CXADR: variants seen among roughly 807,000 people sequenced by gnomAD.
CXADR encodes coxsackievirus and adenovirus receptor.
Under a neutral mutation model 40.3 loss-of-function variants are expected in CXADR, and 20 were observed. The observed-to-expected ratio is 0.50, with a 90% confidence interval of 0.35 to 0.72. CXADR has a LOEUF of 0.72. CXADR is among the 30% of genes least tolerant of loss of function. The probability of loss-of-function intolerance (pLI) is 0.01; values close to 1 mark genes in which losing one functional copy is unlikely to be tolerated. For missense variants in CXADR, 332 were observed against 449.1 expected (o/e 0.74, Z 2.36); for synonymous variants, 150 against 161.3 (o/e 0.93, Z 0.53).
chr21:17,611,014 T>A, the CXADR span, among the ~76,000 whole-genome samples: 1 of 152,052 alleles, frequency 6.6e-6, no homozygotes, highest in East Asian at 1.9e-4. Flanking sequence ...AACCCTAGAA[T>A]GAGAAATTCA....
In CXADR at chr21:17,528,075, T is replaced by C. The variant is rs999462640; in HGVS notation, c.43+14903T>C. ...CCTTATGCTTAGTTCTTTCTTTTTT[T>C]TTTTTTTTTTTTTTTTGAGACAGAG... is the stretch of plus-strand genomic sequence containing the variant. On this transcript the variant is annotated intron_variant, in intron 1 of 6. Coordinates refer to ENST00000284878, the MANE Select transcript of CXADR (RefSeq NM_001338.5). Among the ~76,000 whole-genome samples the C allele has an allele frequency of 1.6e-4, 22 of 137,370 alleles. 1 individual carries two copies. In the South Asian group the frequency reaches 3.7e-3, roughly 23 times the overall value. 90.1% of individuals were successfully genotyped at this position (137,370 alleles called of 152,430 possible).
At chr21:17,563,814 G>A (rs958384279) in intron 6 of CXADR, among the ~76,000 whole-genome samples, 455 of 150,724 alleles carry the variant, frequency 3.0e-3, no homozygotes, top group African/African-American at 6.2e-3. Flanking sequence ...AGTGGCGGGC[G>A]CCTGTAGTCC....
intron 7 of CXADR, among the ~76,000 whole-genome samples, chr21:17,576,602 C>T (rs1462802060): frequency 6.6e-6 from 1 of 152,082 alleles, no homozygotes; most frequent in Non-Finnish European, 1.5e-5. Flanking sequence ...TCTGTTACTT[C>T]GGTGTAATTG....
At position 17,564,543 on chromosome 21, in the gene CXADR, G is replaced by A. The variant is rs146430253; in HGVS notation, c.834-885G>A. Among the ~76,000 whole-genome samples, 3 of 152,170 alleles carry A rather than the reference G, an allele frequency of 2.0e-5. No homozygotes were observed. In the South Asian group the frequency reaches 6.2e-4, roughly 32 times the overall value. ...AAACAAAATTTTCTATACATGGTTT[G>A]TTGGCTTCACAGATGTGGAACCCGT... On this transcript the variant is annotated intron_variant, in intron 6 of 6. Transcript: ENST00000284878.
intron 3 of CXADR, among the ~76,000 whole-genome samples, chr21:17,555,470 A>G (rs1314230186): frequency 1.3e-5 from 2 of 152,232 alleles, no homozygotes; most frequent in East Asian, 3.8e-4. Flanking sequence ...TAATGTTAAC[A>G]TCTTACAAAA....
chr21:17,521,826 A>G (rs2060534216), intron 1 of CXADR, among the ~76,000 whole-genome samples: 1 of 152,290 alleles, frequency 6.6e-6, no homozygotes, highest in Middle Eastern at 3.4e-3. Flanking sequence ...AATCTTGTCC[A>G]CATCATCATT....
At position 17,569,462 on chromosome 21, in the gene CXADR, T is replaced by C; in HGVS notation, c.*3770T>C. 1 of 985,276 alleles carries C rather than the reference T, an allele frequency of 1.0e-6. No homozygotes were observed. The highest frequency in any genetic ancestry group is 1.2e-6 in the Non-Finnish European group (1 of 829,904). The allele number at this position is 985,276 out of a possible 1,614,324, so 61.0% of individuals were successfully genotyped here. On this transcript the variant is annotated 3_prime_UTR_variant, in exon 7 of 7. Transcript: ENST00000284878. Reference sequence around the variant, plus strand: ...TTAATATTTTGAATGCCTTTGGATATTCCAGCAATAAAGGCATCATGTTCT... The same window carrying C: ...TTAATATTTTGAATGCCTTTGGATACTCCAGCAATAAAGGCATCATGTTCT...
At position 17,568,274 on chromosome 21, in the gene CXADR, T is replaced by G. The variant is rs890420606; in HGVS notation, c.*2582T>G. ...CTCCCGAGCAGCTGGGACTACAGGC[T>G]CCCATCACCACGCTCGGCTAAGTTT... is the stretch of plus-strand genomic sequence containing the variant. On this transcript the variant is annotated 3_prime_UTR_variant, in exon 7 of 7. Coordinates refer to ENST00000284878, the MANE Select transcript of CXADR (RefSeq NM_001338.5). The G allele has an allele frequency of 1.6e-4, 127 of 794,632 alleles. No homozygotes were observed. The highest frequency in any genetic ancestry group is 7.6e-4 in the East Asian group (6 of 7,848). The allele number at this position is 794,632 out of a possible 1,614,324, so 49.2% of individuals were successfully genotyped here.
At chr21:17,570,901 T>A (rs2061272466), downstream of CXADR, among the ~76,000 whole-genome samples, 1 of 152,208 alleles carries the variant, frequency 6.6e-6, no homozygotes, top group African/African-American at 2.4e-5. Flanking sequence ...ACCAGCACTA[T>A]TAACATTTTG....
chr21:17,575,522 G>A (rs1180867920), intron 7 of CXADR, among the ~76,000 whole-genome samples: 1 of 146,070 alleles, frequency 6.8e-6, no homozygotes, highest in African/African-American at 2.5e-5. Context: ...GCGGAGTCTC[G>A]CTCCGTTGCC....
chr21:17,555,939 G>C (rs1473438424), intron 3 of CXADR, among the ~76,000 whole-genome samples: 1 of 152,120 alleles, frequency 6.6e-6, no homozygotes, highest in African/African-American at 2.4e-5. Flanking sequence ...TCTCATGTAG[G>C]GATTTAGAGA....
At chr21:17,582,306 C>A (rs2061367083) in intron 7 of CXADR, among the ~76,000 whole-genome samples, 2 of 152,226 alleles carry the variant, frequency 1.3e-5, no homozygotes, top group African/African-American at 4.8e-5. Flanking sequence ...GCCACCGCAG[C>A]CCGCTGGAGG....
chr21:17,593,226 T>G, exon 8 of CXADR: 1 of 1,381,692 alleles, frequency 7.2e-7, no homozygotes, highest in Non-Finnish European at 9.5e-7. Flanking sequence ...AAGTATTGTA[T>G]TATTTGACTT....
Position 17,561,610 on chromosome 21 carries a change from ACATTTGAAAG to A in CXADR, c.833+140_833+149del, listed in dbSNP as rs1187959781. ...TAAAAGCTCTGGCCGCCTTCTCAAT[ACATTTGAAAG>A]CATTTACTTCTAACTGCAAGTGCAG... On this transcript the variant is annotated intron_variant, in intron 6 of 6. Transcript: ENST00000284878. The A allele has an allele frequency of 8.7e-6, 6 of 693,614 alleles. No homozygotes were observed. The Admixed American group carries it at 2.2e-4, about 25-fold the overall frequency. 43.0% of individuals were successfully genotyped at this position (693,614 alleles called of 1,614,324 possible).
chr21:17,607,604 A>G, the CXADR span, among the ~76,000 whole-genome samples: 967 of 152,304 alleles, frequency 6.3e-3, 59 homozygotes, highest in East Asian at 0.13. Context: ...TAATATGTTT[A>G]CCTCCTTTTT....
intron 3 of CXADR, among the ~76,000 whole-genome samples, chr21:17,553,614 C>CTTTTT (rs10710377): frequency 4.7e-5 from 6 of 128,292 alleles, no homozygotes; most frequent in Non-Finnish European, 8.5e-5. Flanking sequence ...GGTCCGAATT[C>CTTTTT]TTTTTTTTTT....
Position 17,589,583 on chromosome 21 carries a change from T to A in CXADR, c.1018-3569T>A, listed in dbSNP as rs577290669. Among the ~76,000 whole-genome samples the A allele has an allele frequency of 3.2e-3, 109 of 33,642 alleles. No individual in the cohort carries two copies. In the African/African-American group the frequency reaches 0.077, roughly 24 times the overall value. The allele number at this position is 33,642 out of a possible 152,430, so 22.1% of individuals were successfully genotyped here. On this transcript the variant is annotated intron_variant, in intron 7 of 7. Coordinates refer to the CXADR transcript ENST00000400169. ...TACTAGCACCATTCTAGGCATACCATTTTTTTTTTTATTCTACTCTTTTTT... is the reference window on the plus strand; with the variant it reads ...TACTAGCACCATTCTAGGCATACCAATTTTTTTTTTATTCTACTCTTTTTT...
chr21:17,599,674 T>C, the CXADR span, among the ~76,000 whole-genome samples: 1 of 152,130 alleles, frequency 6.6e-6, no homozygotes, highest in African/African-American at 2.4e-5. Context: ...GAGATGAGGT[T>C]TCACCATGCT....
At chr21:17,548,278 G>A (rs1186410619) in intron 2 of CXADR, among the ~76,000 whole-genome samples, 1 of 152,116 alleles carries the variant, frequency 6.6e-6, no homozygotes, top group African/African-American at 2.4e-5. Flanking sequence ...AACCCAGTCG[G>A]TTTGCCCTTG....
Sources: gnomAD v4.1 joint callset for allele counts (sites outside exome capture counted in the v4.1 genomes callset) on GRCh38, gnomAD v4.1.1 for gene constraint, MANE v1.5 for transcripts, NCBI Gene and HGNC (gene_info 2026-07-23, HGNC 2026-07-21) for gene names.